Variants in MYH11 observed in about 807,000 individuals in gnomAD.
MYH11 encodes the protein myosin-11.
A neutral mutation model predicts 246.6 loss-of-function variants in MYH11; 80 were observed. That is an observed-to-expected ratio of 0.32 (90% CI 0.27 to 0.39). The LOEUF (loss-of-function observed/expected upper bound fraction) is 0.39, where lower values mean the gene tolerates loss of function less well. MYH11 is among the 10% of genes least tolerant of loss of function. The probability of loss-of-function intolerance (pLI) is 1.00; values close to 1 mark genes in which losing one functional copy is unlikely to be tolerated. For missense variants in MYH11, 2,158 were observed against 2,546.8 expected, an observed-to-expected ratio of 0.85 and a Z score of 3.29; for synonymous variants, 1,071 against 1,015.5, an observed-to-expected ratio of 1.05 and a Z score of -1.04.
At chr16:15,727,084 CAG>C (rs774537645) in intron 27 of MYH11, 30 bp from the exon 28 acceptor site, 11 of 1,608,014 alleles carry the variant, frequency 6.8e-6, no homozygotes, top group East Asian at 4.5e-5. Context: ...GGAGGGATAA[CAG>C]GGAGGCTGTG....
intron 22 of MYH11, 52 bp from the exon 23 acceptor site, chr16:15,740,240 T>C: frequency 1.2e-6 from 2 of 1,612,678 alleles, no homozygotes; most frequent in South Asian, 1.1e-5. Flanking sequence ...AGATTTACTC[T>C]CGTGGTGATC....
chr16:15,722,903 C>G (rs1189987482), intron 31 of MYH11, among the ~76,000 whole-genome samples: 1 of 152,098 alleles, frequency 6.6e-6, no homozygotes, highest in African/African-American at 2.4e-5. Flanking sequence ...GCCACCACGC[C>G]CGGCTAATTT....
chr16:15,725,335 G>T, intron 28 of MYH11: 1 of 560,754 alleles, frequency 1.8e-6, no homozygotes, highest in East Asian at 3.0e-5. Context: ...CAAAGCAGCA[G>T]GTCTGAGAGT....
chr16:15,738,972 A>G (rs1248124968), intron 23 of MYH11, among the ~76,000 whole-genome samples: 1 of 152,140 alleles, frequency 6.6e-6, no homozygotes, highest in Non-Finnish European at 1.5e-5. Context: ...GCCTTTGCAC[A>G]GTGGGCCAAC....
At chr16:15,796,071 C>T (rs1253251498) in intron 4 of MYH11, among the ~76,000 whole-genome samples, 1 of 152,088 alleles carries the variant, frequency 6.6e-6, no homozygotes, top group Non-Finnish European at 1.5e-5. Context: ...GCTACAGAGG[C>T]CCTGGTGAGA....
At chr16:15,821,649 T>C (rs537828723) in intron 3 of MYH11, among the ~76,000 whole-genome samples, 28 of 151,752 alleles carry the variant, frequency 1.8e-4, no homozygotes, top group African/African-American at 5.8e-4. Context: ...CTGGGTATGG[T>C]GGCTTATGCC....
chr16:15,812,729 C>T (rs546303570), intron 3 of MYH11, among the ~76,000 whole-genome samples: 29 of 150,570 alleles, frequency 1.9e-4, no homozygotes, highest in Non-Finnish European at 3.3e-4. Context: ...AAAAATTAGC[C>T]GGGTGTGGTG....
chr16:15,760,065 C>G (rs530488214), intron 11 of MYH11, among the ~76,000 whole-genome samples: 3 of 152,204 alleles, frequency 2.0e-5, no homozygotes, highest in East Asian at 3.9e-4. Context: ...CCACTGCACC[C>G]CCCCCTGGGC....
chr16:15,802,890 C>A (rs970651820), intron 3 of MYH11, among the ~76,000 whole-genome samples: 17 of 152,142 alleles, frequency 1.1e-4, no homozygotes, highest in Non-Finnish European at 2.4e-4. Context: ...GTGGCTCACA[C>A]CTGTAATCCC....
chr16:15,846,463 G>A (rs753381618), intron 1 of MYH11, among the ~76,000 whole-genome samples: 6 of 152,300 alleles, frequency 3.9e-5, no homozygotes, highest in East Asian at 1.9e-4. Context: ...TGCAATGATT[G>A]CAAGGACAGA....
rs199752132 is a variant in MYH11 at position 15,704,081 on chromosome 16, T to C, written c.5829A>G (p.Gly1943=). Residue 1943 remains glycine (G), a synonymous_variant, in exon 41 of 41, where the codon GGA becomes GGG. Coordinates refer to ENST00000300036, the MANE Select transcript of MYH11 (RefSeq NM_002474.3). ...CTGCATTTTCAATAACTCTACGTCC[T>C]CCAGACCTTCTAGAAGGAACGAAAG... is the stretch of plus-strand genomic sequence containing the variant. ...ETSFVPSRRS[G]GRRVIENADG... 3.2e-5 allele frequency: 51 copies of C among 1,614,062 alleles called. No individual in the cohort carries two copies. In the Admixed American group the frequency reaches 8.2e-4, roughly 26 times the overall value.
rs1439991530 is a variant in MYH11, at chr16:15,756,421, G to C, written c.1669C>G (p.Gln557Glu). ...TTCTGGAACTTGGGGTGGCTGCCCT[G>C]CTCCGTGCACAGCTTCTCCACGAAA... Reference protein sequence around the residue: ...KSFVEKLCTEQGSHPKFQKPK... With the variant: ...KSFVEKLCTEEGSHPKFQKPK... Residue 557 changes from glutamine (Q) to glutamate (E), a missense_variant, in exon 14 of 41, where the codon CAG becomes GAG. Coordinates refer to ENST00000300036, the MANE Select transcript of MYH11 (RefSeq NM_002474.3). 2 of 1,614,154 alleles carry C rather than the reference G, an allele frequency of 1.2e-6. No homozygotes were observed. Among genetic ancestry groups the C allele is most frequent in the Non-Finnish European group, 1.7e-6 (2 of 1,180,036 alleles).
chr16:15,755,017 G>A (rs1420434016), intron 14 of MYH11, among the ~76,000 whole-genome samples: 1 of 152,132 alleles, frequency 6.6e-6, no homozygotes, highest in African/African-American at 2.4e-5. Flanking sequence ...CTCTAGCACT[G>A]TAGTATACAA....
chr16:15,848,770 TG>T (rs950858736), intron 1 of MYH11, among the ~76,000 whole-genome samples: 1 of 152,020 alleles, frequency 6.6e-6, no homozygotes, highest in Admixed American at 6.6e-5. Context: ...AGGGCTGTCT[TG>T]GGAAAGGCAG....
At chr16:15,855,479 AC>A (rs1320723195) in intron 1 of MYH11, among the ~76,000 whole-genome samples, 16 of 151,848 alleles carry the variant, frequency 1.1e-4, no homozygotes, top group African/African-American at 3.1e-4. Context: ...ACTCAAACTG[AC>A]CCGGGAATGG....
chr16:15,853,277 A>C (rs1347382257), intron 1 of MYH11, among the ~76,000 whole-genome samples: 1 of 152,070 alleles, frequency 6.6e-6, no homozygotes, highest in Non-Finnish European at 1.5e-5. Flanking sequence ...AACCTCCTGA[A>C]TAACTAGGAC....
At chr16:15,808,632 C>T (rs1232418686) in intron 3 of MYH11, among the ~76,000 whole-genome samples, 1 of 152,188 alleles carries the variant, frequency 6.6e-6, no homozygotes, top group African/African-American at 2.4e-5. Flanking sequence ...CATAGGAGCT[C>T]ATGCCTGTAA....
At chr16:15,774,740 C>A (rs957184599) in intron 8 of MYH11, among the ~76,000 whole-genome samples, 2 of 152,208 alleles carry the variant, frequency 1.3e-5, no homozygotes, top group Non-Finnish European at 2.9e-5. Context: ...CAGGCGCCAG[C>A]CACCACACCT....
chr16:15,820,135 G>C (rs1220231702), intron 3 of MYH11, among the ~76,000 whole-genome samples: 1 of 152,196 alleles, frequency 6.6e-6, no homozygotes, highest in Non-Finnish European at 1.5e-5. Context: ...CTGAGGCCAG[G>C]AGTTCAAGAC....
Sources: gnomAD v4.1 joint callset for allele counts (sites outside exome capture counted in the v4.1 genomes callset) on GRCh38, gnomAD v4.1.1 for gene constraint, MANE v1.5 for transcripts, NCBI Gene and HGNC (gene_info 2026-07-23, HGNC 2026-07-21) for gene names.